Variants in HS3ST4 observed in about 807,000 individuals in gnomAD.
The protein encoded by HS3ST4 is heparan sulfate-glucosamine 3-sulfotransferase 4.
Under a neutral mutation model 29.2 loss-of-function variants are expected in HS3ST4, and 17 were observed. The ratio of observed to expected loss-of-function variants is 0.58; its 90% confidence interval spans 0.40 to 0.87. The LOEUF (loss-of-function observed/expected upper bound fraction) is 0.87, where lower values mean the gene tolerates loss of function less well. HS3ST4 is among the 40% of genes least tolerant of loss of function. The pLI, the probability that HS3ST4 is intolerant of heterozygous loss-of-function variation, is 0.00. For synonymous variants in HS3ST4, 314 were observed against 285.7 expected (o/e 1.10, Z -1.00); for missense variants, 627 against 634.5 (o/e 0.99, Z 0.13).
At chr16:26,071,326 G>A (rs1596670876) in intron 1 of HS3ST4, among the ~76,000 whole-genome samples, 5 of 152,228 alleles carry the variant, frequency 3.3e-5, no homozygotes, top group Admixed American at 3.3e-4. Context: ...GGAGTCCGTG[G>A]GTGCGGGGTT....
At chr16:25,904,972 G>A (rs1275740881) in intron 1 of HS3ST4, among the ~76,000 whole-genome samples, 1 of 152,146 alleles carries the variant, frequency 6.6e-6, no homozygotes, top group Non-Finnish European at 1.5e-5. Context: ...TGAACTCATT[G>A]AGTAGCAGAC....
At chr16:26,073,242 G>A (rs2141778260) in intron 1 of HS3ST4, among the ~76,000 whole-genome samples, 1 of 152,326 alleles carries the variant, frequency 6.6e-6, no homozygotes, top group East Asian at 1.9e-4. Context: ...CTCTTACAGG[G>A]ACATTGGATA....
intron 1 of HS3ST4, among the ~76,000 whole-genome samples, chr16:25,956,845 A>T (rs933316136): frequency 6.6e-6 from 1 of 151,958 alleles, no homozygotes; most frequent in Admixed American, 6.6e-5. Flanking sequence ...AAAAATACAA[A>T]AAATTAGCCA....
At chr16:25,773,407 A>G (rs965380045) in intron 1 of HS3ST4, among the ~76,000 whole-genome samples, 17 of 152,150 alleles carry the variant, frequency 1.1e-4, no homozygotes, top group Non-Finnish European at 2.2e-4. Context: ...ACTACAGAAC[A>G]CTTAAAACTT....
At chr16:26,035,343 C>G (rs1300718003) in intron 1 of HS3ST4, among the ~76,000 whole-genome samples, 1 of 152,186 alleles carries the variant, frequency 6.6e-6, no homozygotes, top group Non-Finnish European at 1.5e-5. Flanking sequence ...GGCAAATTAA[C>G]TTCTCCAGCC....
chr16:26,054,269 G>GGAGA (rs58364733), intron 1 of HS3ST4, among the ~76,000 whole-genome samples: 1,599 of 133,700 alleles, frequency 0.012, 29 homozygotes, highest in East Asian at 0.064. Context: ...ACAGAGAGAG[G>GGAGA]GAGAGAGAGA....
chr16:26,077,280 C>T (rs1035577718), intron 1 of HS3ST4, among the ~76,000 whole-genome samples: 3 of 152,206 alleles, frequency 2.0e-5, no homozygotes, highest in Non-Finnish European at 4.4e-5. Context: ...TTCTATTGGT[C>T]ATGTTTACTT....
intron 1 of HS3ST4, among the ~76,000 whole-genome samples, chr16:26,085,910 T>C (rs995661530): frequency 1.4e-5 from 2 of 147,964 alleles, no homozygotes; most frequent in African/African-American, 2.5e-5. Flanking sequence ...ATAATAATAA[T>C]AACAATAATA....
At chr16:26,012,035 C>T (rs1232360449) in intron 1 of HS3ST4, among the ~76,000 whole-genome samples, 1 of 152,152 alleles carries the variant, frequency 6.6e-6, no homozygotes, top group African/African-American at 2.4e-5. Flanking sequence ...CCTGAATAAT[C>T]GATTAATGCT....
chr16:26,036,332 C>T (rs1400739820), intron 1 of HS3ST4, among the ~76,000 whole-genome samples: 1 of 152,212 alleles, frequency 6.6e-6, no homozygotes, highest in Non-Finnish European at 1.5e-5. Flanking sequence ...TAATGAATTT[C>T]TGTTGGTTTC....
intron 1 of HS3ST4, 24 bp downstream of exon 1, chr16:25,693,175 T>G (rs778265698): frequency 3.8e-5 from 58 of 1,540,584 alleles, no homozygotes; most frequent in Non-Finnish European, 4.9e-5. Flanking sequence ...CTCCGCGGGC[T>G]GGTGGAGACG....
At chr16:26,028,736 A>G (rs1000895856) in intron 1 of HS3ST4, among the ~76,000 whole-genome samples, 1 of 147,758 alleles carries the variant, frequency 6.8e-6, no homozygotes, top group Non-Finnish European at 1.5e-5. Context: ...GAAGATATTC[A>G]TGATATTGAA....
chr16:26,016,347 C>A (rs377628296), intron 1 of HS3ST4, among the ~76,000 whole-genome samples: 9 of 152,286 alleles, frequency 5.9e-5, no homozygotes, highest in African/African-American at 1.9e-4. Flanking sequence ...CTGGTGTATA[C>A]TCAGTTATTT....
At chr16:25,786,948 G>C (rs1187063364) in intron 1 of HS3ST4, among the ~76,000 whole-genome samples, 5 of 152,196 alleles carry the variant, frequency 3.3e-5, no homozygotes, top group African/African-American at 1.2e-4. Context: ...AGGACCCCCA[G>C]CTTCTGACAT....
chr16:25,735,582 G>C (rs1966603093), intron 1 of HS3ST4, among the ~76,000 whole-genome samples: 1 of 151,966 alleles, frequency 6.6e-6, no homozygotes, highest in Admixed American at 6.6e-5. Flanking sequence ...GTAGAGATGG[G>C]GTTTCACTGT....
chr16:25,869,147 T>C (rs1596596933), intron 1 of HS3ST4, among the ~76,000 whole-genome samples: 2 of 152,132 alleles, frequency 1.3e-5, no homozygotes, highest in African/African-American at 4.8e-5. Flanking sequence ...AGCCATCTGC[T>C]ACTCGGGAGT....
At chr16:26,123,600 T>G (rs1450357295) in intron 1 of HS3ST4, among the ~76,000 whole-genome samples, 3 of 152,210 alleles carry the variant, frequency 2.0e-5, no homozygotes, top group African/African-American at 7.2e-5. Context: ...TTCTGAGATT[T>G]TAGTGCACCT....
intron 1 of HS3ST4, among the ~76,000 whole-genome samples, chr16:25,927,578 A>G (rs1376158845): frequency 2.0e-5 from 3 of 152,214 alleles, no homozygotes; most frequent in East Asian, 3.8e-4. Flanking sequence ...AGATCAATAG[A>G]AATGAAGTGG....
At chr16:26,017,252 G>A (rs1969370927) in intron 1 of HS3ST4, among the ~76,000 whole-genome samples, 1 of 152,184 alleles carries the variant, frequency 6.6e-6, no homozygotes, top group South Asian at 2.1e-4. Context: ...TGAGGAGAAA[G>A]GAAACTTCTG....
Sources: gnomAD v4.1 joint callset for allele counts (sites outside exome capture counted in the v4.1 genomes callset) on GRCh38, gnomAD v4.1.1 for gene constraint, MANE v1.5 for transcripts, NCBI Gene and HGNC (gene_info 2026-07-23, HGNC 2026-07-21) for gene names.